Variants in GPC6 observed in about 807,000 individuals in gnomAD.
GPC6 encodes glypican 6.
A neutral mutation model predicts 55.2 loss-of-function variants in GPC6; 14 were observed. The ratio of observed to expected loss-of-function variants is 0.25; its 90% CI spans 0.17 to 0.40. GPC6 has a LOEUF of 0.40. Among genes scored for constraint, GPC6 ranks in the 10% least tolerant of loss-of-function variants. The pLI, the probability that GPC6 is intolerant of heterozygous loss-of-function variation, is 1.00. For missense variants in GPC6, 641 were observed against 708.5 expected (o/e 0.90, Z 1.08); for synonymous variants, 278 against 259.6 (o/e 1.07, Z -0.68).
intron 3 of GPC6, among the ~76,000 whole-genome samples, chr13:93,832,029 G>T (rs1415483014): frequency 2.2e-5 from 3 of 135,158 alleles, no homozygotes; most frequent in African/African-American, 5.6e-5. Flanking sequence ...GGCGGGGCTT[G>T]CAGTGAGCTG....
intron 7 of GPC6, among the ~76,000 whole-genome samples, chr13:94,384,623 A>C (rs1045371391): frequency 1.3e-5 from 2 of 152,232 alleles, no homozygotes; most frequent in African/African-American, 4.8e-5. Context: ...GGGGAATATA[A>C]AGACCACTGA....
intron 4 of GPC6, among the ~76,000 whole-genome samples, chr13:94,087,779 G>A (rs761186304): frequency 6.6e-5 from 10 of 152,152 alleles, no homozygotes; most frequent in East Asian, 1.9e-4. Flanking sequence ...ATTATGTAAC[G>A]ACATCATAGT....
chr13:94,116,626 T>C (rs570867426), intron 4 of GPC6, among the ~76,000 whole-genome samples: 1 of 152,262 alleles, frequency 6.6e-6, no homozygotes, highest in African/African-American at 2.4e-5. Flanking sequence ...CTTTCCATTT[T>C]AAGCATTGAA....
At chr13:93,296,388 A>G (rs2139087689) in intron 1 of GPC6, among the ~76,000 whole-genome samples, 1 of 152,108 alleles carries the variant, frequency 6.6e-6, no homozygotes, top group African/African-American at 2.4e-5. Context: ...TTCTACCTTA[A>G]TTTATCTTCT....
At chr13:94,034,217 G>GAAGA (rs1883249719) in intron 4 of GPC6, among the ~76,000 whole-genome samples, 1 of 148,862 alleles carries the variant, frequency 6.7e-6, no homozygotes, top group Non-Finnish European at 1.5e-5. Context: ...AGGAAGGAAG[G>GAAGA]AAGGAAGGAA....
chr13:93,357,919 C>T (rs181927603), intron 1 of GPC6, among the ~76,000 whole-genome samples: 1 of 152,284 alleles, frequency 6.6e-6, no homozygotes, highest in East Asian at 1.9e-4. Context: ...TAGATGGTGT[C>T]TTATGCATGT....
intron 3 of GPC6, among the ~76,000 whole-genome samples, chr13:94,007,426 A>C (rs1453135569): frequency 6.6e-6 from 1 of 152,110 alleles, no homozygotes; most frequent in Non-Finnish European, 1.5e-5. Context: ...ATATTGATAG[A>C]TATTGCGTGA....
chr13:94,141,042 C>G (rs546634628), intron 4 of GPC6, among the ~76,000 whole-genome samples: 2 of 152,160 alleles, frequency 1.3e-5, no homozygotes, highest in African/African-American at 4.8e-5. Flanking sequence ...GAGGCTTATT[C>G]TGAGCCAGTA....
intron 4 of GPC6, among the ~76,000 whole-genome samples, chr13:94,178,635 C>A (rs1888873595): frequency 6.6e-6 from 1 of 152,128 alleles, no homozygotes; most frequent in Non-Finnish European, 1.5e-5. Flanking sequence ...AATGAAAATG[C>A]AAATCATTAA....
intron 4 of GPC6, among the ~76,000 whole-genome samples, chr13:94,171,635 G>A (rs1000925320): frequency 1.3e-4 from 20 of 152,274 alleles, no homozygotes; most frequent in Admixed American, 2.6e-4. Context: ...TGTAAAAAGG[G>A]ATTTTGCTAG....
chr13:94,062,935 G>A (rs1884384452), intron 4 of GPC6, among the ~76,000 whole-genome samples: 2 of 152,178 alleles, frequency 1.3e-5, no homozygotes, highest in African/African-American at 2.4e-5. Flanking sequence ...TTAGTGGGGT[G>A]AAATACTACC....
At chr13:93,722,546 C>G (rs1458361176) in intron 2 of GPC6, among the ~76,000 whole-genome samples, 2 of 151,688 alleles carry the variant, frequency 1.3e-5, no homozygotes, top group Non-Finnish European at 2.9e-5. Context: ...TGAAGAGTCC[C>G]CATATGGCTG....
chr13:94,017,974 T>G (rs910108736), intron 3 of GPC6, among the ~76,000 whole-genome samples: 25 of 152,166 alleles, frequency 1.6e-4, no homozygotes, highest in African/African-American at 6.0e-4. Context: ...TAAACAGCAG[T>G]GATGAAAGCA....
intron 1 of GPC6, among the ~76,000 whole-genome samples, chr13:93,261,364 C>T (rs1240035718): frequency 1.3e-5 from 2 of 152,022 alleles, no homozygotes; most frequent in East Asian, 3.9e-4. Context: ...AGGAATGATT[C>T]TTCTTAATGA....
rs74380736 is a variant in GPC6, at chr13:94,268,043, A to G, written c.878-18306A>G. On this transcript the variant is annotated intron_variant, in intron 4 of 8. Coordinates refer to ENST00000377047, the MANE Select transcript of GPC6 (RefSeq NM_005708.5). ...GTTGCTAAACTGCAACTTCAAACCT[A>G]GATCTGAAATTCTGAATGATTAAGA... 9.9e-4 allele frequency among the ~76,000 whole-genome samples: 151 copies of G among 152,350 alleles called. No individual in the cohort carries two copies. The Middle Eastern group carries it at 0.01, about 10-fold the overall frequency.
chr13:93,532,087 C>CA (rs1434283695), intron 1 of GPC6, among the ~76,000 whole-genome samples: 1 of 152,186 alleles, frequency 6.6e-6, no homozygotes. Context: ...CAAAAGCTTC[C>CA]TGTTTTGCCC....
Position 94,046,720 on chromosome 13 carries a change from C to T in GPC6, c.877+18826C>T, listed in dbSNP as rs116772447. ...CTCTTATATTTATGTTGTTTTCCTG[C>T]GTTTGTGTGTCTATATGTCATTTAA... On this transcript the variant is annotated intron_variant, in intron 4 of 8. Coordinates refer to ENST00000377047, the MANE Select transcript of GPC6 (RefSeq NM_005708.5). Among the ~76,000 whole-genome samples, 799 of 152,034 alleles carry T rather than the reference C, an allele frequency of 5.3e-3. 11 individuals are homozygous for T. The highest frequency in any genetic ancestry group is 0.018 in the African/African-American group (766 of 41,490).
rs1253148832 is a variant in GPC6 at position 93,603,581 on chromosome 13, CA to C, written c.319+58161del. Among the ~76,000 whole-genome samples, 3 of 152,194 alleles carry C rather than the reference CA, an allele frequency of 2.0e-5. No homozygotes were observed. The East Asian group carries it at 5.8e-4, about 29-fold the overall frequency. ...GTTAAATAATTTTTCTGAGGTCACACATCAAGGCTCCAGGGCCTGTGCTCAT... is the reference window on the plus strand; with the variant it reads ...GTTAAATAATTTTTCTGAGGTCACACTCAAGGCTCCAGGGCCTGTGCTCAT... On this transcript the variant is annotated intron_variant, in intron 2 of 8. Transcript: ENST00000377047.
At position 93,227,356 on chromosome 13, in the gene GPC6, C is replaced by G; in HGVS notation, c.-101C>G. 2 of 1,204,574 alleles carry G rather than the reference C, an allele frequency of 1.7e-6. No homozygotes were observed. The highest frequency in any genetic ancestry group is 1.5e-5 in the African/African-American group (1 of 65,884). The allele number at this position is 1,204,574 out of a possible 1,614,324, so 74.6% of individuals were successfully genotyped here. A position where few individuals can be genotyped will look rare whatever the true frequency, so the allele number is the denominator to read the frequency against. ...AGAAGGGGGTGACGCTGGGCAGCGG[C>G]GAGGAGCGCGCCGCTGCCTCTGGCG... On this transcript the variant is annotated 5_prime_UTR_variant, in exon 1 of 9. Transcript: ENST00000377047. The surrounding 1 kb of genome is among the most constrained non-coding windows in gnomAD (Gnocchi z 4.3).
Sources: gnomAD v4.1 joint callset for allele counts (sites outside exome capture counted in the v4.1 genomes callset) on GRCh38, gnomAD v4.1.1 for gene constraint, Gnocchi (gnomAD v3.1) non-coding constraint, MANE v1.5 for transcripts, NCBI Gene and HGNC (gene_info 2026-07-23, HGNC 2026-07-21) for gene names.